The following SNCAIP variants were observed in gnomAD, a reference collection of about 807,000 sequenced individuals.
SNCAIP encodes the protein synphilin-1.
A neutral mutation model predicts 86.7 loss-of-function variants in SNCAIP; 43 were observed. The observed-to-expected ratio is 0.50, with a 90% confidence interval of 0.39 to 0.64. The LOEUF is 0.64. Among genes scored for constraint, SNCAIP ranks in the 30% least tolerant of loss-of-function variants. The pLI, the probability that SNCAIP is intolerant of heterozygous loss-of-function variation, is 0.00. For missense variants in SNCAIP, 981 were observed against 1,103.1 expected (o/e 0.89, Z 1.57); for synonymous variants, 417 against 427.2 (o/e 0.98, Z 0.29).
rs1045497974 is a variant in SNCAIP, at chr5:122,312,237, A to G, written c.-94A>G. On this transcript the variant is annotated 5_prime_UTR_variant, in exon 1 of 11. Coordinates refer to ENST00000261368, the MANE Select transcript of SNCAIP (RefSeq NM_005460.4). Reference sequence around the variant, plus strand: ...TGCCGCTGCGGTCCGTCGGTCGGTCAGTCAGTCCCTTCGCGCTCCTGAGCC... The same window carrying G: ...TGCCGCTGCGGTCCGTCGGTCGGTCGGTCAGTCCCTTCGCGCTCCTGAGCC... The G allele has an allele frequency of 6.6e-6, 1 of 150,844 alleles. No homozygotes were observed. The allele number at this position is 150,844 out of a possible 1,614,324, so 9.3% of individuals were successfully genotyped here. A position where few individuals can be genotyped will look rare whatever the true frequency, so the allele number is the denominator to read the frequency against.
At chr5:122,429,797 A>C (rs1343537860) in intron 5 of SNCAIP, among the ~76,000 whole-genome samples, 1 of 152,210 alleles carries the variant, frequency 6.6e-6, no homozygotes, top group Non-Finnish European at 1.5e-5. Context: ...TTTAACAGCC[A>C]GGACACGGTT....
intron 1 of SNCAIP, among the ~76,000 whole-genome samples, chr5:122,381,505 T>C (rs1324340912): frequency 3.4e-5 from 5 of 148,400 alleles, no homozygotes; most frequent in African/African-American, 7.5e-5. Flanking sequence ...AATTTGCCAG[T>C]CTGTGTCTTT....
chr5:122,444,200 G>A, intron 7 of SNCAIP: 1 of 469,850 alleles, frequency 2.1e-6, no homozygotes, highest in Non-Finnish European at 4.2e-6. Context: ...GAACAGGTAA[G>A]ATTCCAGTCT....
chr5:122,438,215 T>C (rs1779973965), intron 6 of SNCAIP, among the ~76,000 whole-genome samples: 1 of 152,162 alleles, frequency 6.6e-6, no homozygotes, highest in Non-Finnish European at 1.5e-5. Context: ...AAAAAACCAG[T>C]TCCCAGCCAG....
chr5:122,362,588 A>G (rs1762409646), intron 1 of SNCAIP, among the ~76,000 whole-genome samples: 1 of 152,198 alleles, frequency 6.6e-6, no homozygotes, highest in African/African-American at 2.4e-5. Flanking sequence ...GGAATGTTTG[A>G]AGTCGGAGAA....
intron 6 of SNCAIP, chr5:122,436,828 C>T (rs1779598354): frequency 6.6e-6 from 1 of 152,160 alleles, no homozygotes; most frequent in Admixed American, 6.5e-5. Flanking sequence ...CTTTAAACAA[C>T]TTGCATTGCC....
At position 122,403,880 on chromosome 5, in the gene SNCAIP, T is replaced by C; in HGVS notation, c.130+15T>C. 1 of 1,594,060 alleles carries C rather than the reference T, an allele frequency of 6.3e-7. No individual in the cohort carries two copies. Among genetic ancestry groups the C allele is most frequent in the Non-Finnish European group, 8.6e-7 (1 of 1,161,826 alleles). ...AGACAGATCAGGTAGGTTTTGCTCC[T>C]CCCCTCTTCTCCTTATCCTGGCTCA... On this transcript the variant is annotated intron_variant, in intron 3 of 10. Transcript: ENST00000261368.
intron 10 of SNCAIP, among the ~76,000 whole-genome samples, chr5:122,453,542 A>T (rs971930180): frequency 2.0e-5 from 3 of 152,184 alleles, no homozygotes; most frequent in Non-Finnish European, 4.4e-5. Context: ...CCTCTAATAA[A>T]ACAAGGGCCT....
chr5:122,339,567 A>C (rs1375835196), intron 1 of SNCAIP, among the ~76,000 whole-genome samples: 11 of 152,180 alleles, frequency 7.2e-5, no homozygotes, highest in Admixed American at 6.5e-4. Flanking sequence ...GATTGGTCCA[A>C]AATTGGACAC....
intron 7 of SNCAIP, chr5:122,444,190 G>A (rs1368044606): frequency 2.1e-6 from 1 of 466,446 alleles, no homozygotes; most frequent in Non-Finnish European, 4.3e-6. Context: ...AAGCAAATGA[G>A]AACAGGTAAG....
At chr5:122,348,435 G>A (rs1452417663) in intron 1 of SNCAIP, among the ~76,000 whole-genome samples, 3 of 152,108 alleles carry the variant, frequency 2.0e-5, no homozygotes, top group African/African-American at 7.2e-5. Context: ...GGAGTTGTCA[G>A]AAGAGGAACA....
intron 3 of SNCAIP, among the ~76,000 whole-genome samples, chr5:122,422,204 T>A (rs1391353395): frequency 6.6e-6 from 1 of 152,170 alleles, no homozygotes; most frequent in Non-Finnish European, 1.5e-5. Context: ...TGCATGATAG[T>A]TGACCAGGGT....
At chr5:122,403,893 T>A (rs1299758173) in intron 3 of SNCAIP, 28 bp downstream of exon 3, 1 of 1,557,906 alleles carries the variant, frequency 6.4e-7, no homozygotes, top group Non-Finnish European at 8.9e-7. Context: ...CCTCTTCTCC[T>A]TATCCTGGCT....
At chr5:122,347,812 A>T (rs1172274512) in intron 1 of SNCAIP, among the ~76,000 whole-genome samples, 1 of 152,122 alleles carries the variant, frequency 6.6e-6, no homozygotes, top group Admixed American at 6.6e-5. Context: ...CTAACATAGG[A>T]CCATGAAGTT....
At chr5:122,359,293 G>A (rs1761725532) in intron 1 of SNCAIP, among the ~76,000 whole-genome samples, 1 of 151,628 alleles carries the variant, frequency 6.6e-6, no homozygotes, top group South Asian at 2.1e-4. Context: ...TTACATTTTT[G>A]AGTAAGTTTT....
At chr5:122,441,345 C>T (rs1442558180) in intron 7 of SNCAIP, 1 of 154,818 alleles carries the variant, frequency 6.5e-6, no homozygotes, top group Non-Finnish European at 1.4e-5. Context: ...CCACCCAGGG[C>T]CTTGATTGCC....
At chr5:122,350,507 ATTTT>A (rs919172875) in intron 1 of SNCAIP, among the ~76,000 whole-genome samples, 1 of 150,376 alleles carries the variant, frequency 6.6e-6, no homozygotes, top group South Asian at 2.1e-4. Context: ...AGGAGTAAGG[ATTTT>A]TTGTTTGTTT....
chr5:122,334,953 A>G (rs1014018337), intron 1 of SNCAIP, among the ~76,000 whole-genome samples: 2 of 152,212 alleles, frequency 1.3e-5, no homozygotes, highest in African/African-American at 2.4e-5. Flanking sequence ...ATGTTACTGC[A>G]TTGCCAGAGA....
chr5:122,331,729 G>A (rs1429822010), intron 1 of SNCAIP, among the ~76,000 whole-genome samples: 1 of 152,134 alleles, frequency 6.6e-6, no homozygotes, highest in Non-Finnish European at 1.5e-5. Flanking sequence ...CACATTTAAT[G>A]TCTCCACTTA....
Sources: allele counts gnomAD v4.1 joint callset (sites outside exome capture counted in the v4.1 genomes callset), GRCh38; gene constraint gnomAD v4.1.1; transcripts MANE v1.5; gene names NCBI Gene and HGNC (gene_info 2026-07-23, HGNC 2026-07-21).